Variants in EIF2B1 observed in about 807,000 individuals in gnomAD.
EIF2B1 encodes eukaryotic translation initiation factor 2B subunit alpha.
In EIF2B1, 30 loss-of-function variants were observed where a neutral mutation model predicts 36.8. The ratio of observed to expected loss-of-function variants is 0.81; its 90% CI spans 0.61 to 1.10. The LOEUF (loss-of-function observed/expected upper bound fraction) is 1.10. Among genes scored for constraint, EIF2B1 ranks in the 50% least tolerant of loss-of-function variants. The pLI, the probability that EIF2B1 is intolerant of heterozygous loss-of-function variation, is 0.00. For missense variants in EIF2B1, 271 were observed against 374.8 expected (o/e 0.72, Z 2.29); for synonymous variants, 139 against 142.2 (o/e 0.98, Z 0.16).
At chr12:123,624,384 G>A (rs893197163) in intron 7 of EIF2B1, among the ~76,000 whole-genome samples, 5 of 151,096 alleles carry the variant, frequency 3.3e-5, no homozygotes, top group African/African-American at 1.2e-4. Flanking sequence ...TCAGCTTCCT[G>A]GGCAGCTGGA....
intron 1 of EIF2B1, 123 bp from the exon 2 acceptor site, chr12:123,632,569 T>C: frequency 1.3e-6 from 1 of 745,812 alleles, no homozygotes; most frequent in Non-Finnish European, 2.3e-6. Flanking sequence ...TTTTAGGGTA[T>C]TTGGTTTCAG....
At chr12:123,628,519 C>T (rs146593572) in intron 4 of EIF2B1, among the ~76,000 whole-genome samples, 195 of 151,982 alleles carry the variant, frequency 1.3e-3, no homozygotes, top group African/African-American at 4.2e-3. Flanking sequence ...TGTGCCACCA[C>T]GCCTGGCTAA....
chr12:123,626,543 A>G (rs889965576), intron 5 of EIF2B1, 50 bp from the exon 6 acceptor site: 1 of 1,597,970 alleles, frequency 6.3e-7, no homozygotes, highest in Admixed American at 1.7e-5. Flanking sequence ...ACAGTACCAC[A>G]GTGATGTATG....
chr12:123,621,404 G>C lies in EIF2B1; in HGVS notation c.*352C>G, dbSNP rs150711091. 277 of 349,308 alleles carry C rather than the reference G, an allele frequency of 7.9e-4. 5 individuals are homozygous for C. The East Asian group carries it at 0.018, about 23-fold the overall frequency. 21.6% of individuals were successfully genotyped at this position (349,308 alleles called of 1,614,324 possible). On this transcript the variant is annotated 3_prime_UTR_variant, in exon 9 of 9. Coordinates refer to ENST00000424014, the MANE Select transcript of EIF2B1 (RefSeq NM_001414.4). ...TGGCTGCTTTTCGCCTGCATCTCGCGTGCTTTAGGCAGATCAGTCTGGAGT... is the reference window on the plus strand; with the variant it reads ...TGGCTGCTTTTCGCCTGCATCTCGCCTGCTTTAGGCAGATCAGTCTGGAGT...
In EIF2B1 at chr12:123,624,968, A is replaced by G. The variant is rs1955137357; in HGVS notation, c.552-106T>C. 5 of 1,048,956 alleles carry G rather than the reference A, an allele frequency of 4.8e-6. No homozygotes were observed. In the South Asian group the frequency reaches 6.5e-5, roughly 14 times the overall value. 65.0% of individuals were successfully genotyped at this position (1,048,956 alleles called of 1,614,324 possible). On this transcript the variant is annotated intron_variant, in intron 6 of 8. Transcript: ENST00000424014. ...ATTTCTATCAAGGTAAGTTCCTCCC[A>G]TAACTACCTGTTTTTTTTAAAGCGC...
chr12:123,628,316 T>C (rs796400964), intron 4 of EIF2B1, among the ~76,000 whole-genome samples: 1 of 151,628 alleles, frequency 6.6e-6, no homozygotes, highest in Non-Finnish European at 1.5e-5. Context: ...CGGCTAGGAT[T>C]ATACACATAA....
At chr12:123,631,836 T>C (rs559122426) in intron 2 of EIF2B1, among the ~76,000 whole-genome samples, 13 of 147,664 alleles carry the variant, frequency 8.8e-5, no homozygotes, top group Admixed American at 4.1e-4. Context: ...TTGCCAGGCG[T>C]GGTGGTGCAT....
chr12:123,632,065 T>C (rs1955194402), intron 2 of EIF2B1, among the ~76,000 whole-genome samples: 1 of 150,812 alleles, frequency 6.6e-6, no homozygotes, highest in Admixed American at 6.6e-5. Context: ...AGCTCAGGAG[T>C]TCGAGACCAG....
chr12:123,626,335 G>T, intron 6 of EIF2B1, 90 bp downstream of exon 6: 2 of 1,515,408 alleles, frequency 1.3e-6, no homozygotes, highest in South Asian at 1.1e-5. Flanking sequence ...GTGGCTTTAT[G>T]AACGGGACTC....
Position 123,633,599 on chromosome 12 carries a change from C to T in EIF2B1, c.-42G>A. Reference sequence around the variant, plus strand: ...GGAGCCCCAGGGGACCCGAGCCGCCCGCGCTGTCTCGAACGGGTCCGCCGG... The same window carrying T: ...GGAGCCCCAGGGGACCCGAGCCGCCTGCGCTGTCTCGAACGGGTCCGCCGG... On this transcript the variant is annotated 5_prime_UTR_variant, in exon 1 of 9. Transcript: ENST00000424014. 6.2e-7 allele frequency: 1 copy of T among 1,604,510 alleles called. No homozygotes were observed. Among genetic ancestry groups the T allele is most frequent in the Non-Finnish European group, 8.5e-7 (1 of 1,179,842 alleles).
At chr12:123,625,726 T>C (rs1372543230) in intron 6 of EIF2B1, among the ~76,000 whole-genome samples, 2 of 152,226 alleles carry the variant, frequency 1.3e-5, no homozygotes, top group African/African-American at 4.8e-5. Flanking sequence ...ATCTTCTAGG[T>C]GAGACAAAGC....
chr12:123,632,110 A>C (rs1356070351), intron 2 of EIF2B1, among the ~76,000 whole-genome samples: 1 of 151,772 alleles, frequency 6.6e-6, no homozygotes, highest in Non-Finnish European at 1.5e-5. Flanking sequence ...TCTCTAAAAT[A>C]CAAAAAAATT....
chr12:123,632,280 A>C, intron 2 of EIF2B1, 65 bp downstream of exon 2: 1 of 1,120,902 alleles, frequency 8.9e-7, no homozygotes. Flanking sequence ...TAAAAAAAAA[A>C]AAAAAGAAAA....
At position 123,626,432 on chromosome 12, in the gene EIF2B1, C is replaced by T. The variant is rs770279161; in HGVS notation, c.544G>A (p.Ala182Thr). ...GGGAAGATGGGCACTCACCCGACAGCAGCATCTAGCACCACAGTGACAGGG... is the reference window on the plus strand; with the variant it reads ...GGGAAGATGGGCACTCACCCGACAGTAGCATCTAGCACCACAGTGACAGGG... Reference protein sequence around the residue: ...NVPVTVVLDAAVGYIMEKADL... With the variant: ...NVPVTVVLDATVGYIMEKADL... The change falls in exon 6 of 9, where the codon GCT becomes ACT. Residue 182 changes from alanine (A) to threonine (T), a missense_variant. Physicochemically the swap from Ala to Thr is moderately conservative, Grantham distance 58. Coordinates refer to ENST00000424014, the MANE Select transcript of EIF2B1 (RefSeq NM_001414.4). 1 of 1,614,134 alleles carries T rather than the reference C, an allele frequency of 6.2e-7. No homozygotes were observed. The highest frequency in any genetic ancestry group is 1.1e-5 in the South Asian group (1 of 91,092).
Position 123,633,669 on chromosome 12 carries a change from G to T in EIF2B1, c.-112C>A. 1.3e-6 allele frequency: 2 copies of T among 1,528,786 alleles called. No homozygotes were observed. The highest frequency in any genetic ancestry group is 1.8e-6 in the Non-Finnish European group (2 of 1,116,966). The allele number at this position is 1,528,786 out of a possible 1,614,324, so 94.7% of individuals were successfully genotyped here. On this transcript the variant is annotated 5_prime_UTR_variant, in exon 1 of 9. Transcript: ENST00000424014. ...GTCTGACAGCGCGCTGCACACCTCC[G>T]CACCCCACTTCCGGCGCACTTCCGT...
chr12:123,627,176 T>C lies in EIF2B1; in HGVS notation c.370-20A>G, dbSNP rs7298287. 0.091 allele frequency: 145,758 copies of C among 1,603,222 alleles called. 13,539 individuals are homozygous for C. Among genetic ancestry groups the C allele is most frequent in the African/African-American group, 0.48 (35,785 of 74,720 alleles). ...TATTGTCTGTGGACCGAGAAAGCTT[T>C]GTCAAAGGGGCAGGCTCCTTGCTGC... On this transcript the variant is annotated intron_variant, in intron 4 of 8. Transcript: ENST00000424014.
Position 123,623,592 on chromosome 12 carries a change from C to T in EIF2B1, c.628-831G>A, listed in dbSNP as rs1402699670. Among the ~76,000 whole-genome samples, 3 of 151,994 alleles carry T rather than the reference C, an allele frequency of 2.0e-5. No homozygotes were observed. The East Asian group carries it at 5.8e-4, about 29-fold the overall frequency. ...GGTTCAAGCGATTCTCCTGCGTCAG[C>T]CTGCCAAGTAGCTGGGATTACAGGC... On this transcript the variant is annotated intron_variant, in intron 7 of 8. Transcript: ENST00000424014.
chr12:123,626,631 T>A, intron 5 of EIF2B1, 138 bp from the exon 6 acceptor site: 1 of 973,760 alleles, frequency 1.0e-6, no homozygotes, highest in Non-Finnish European at 1.6e-6. Flanking sequence ...CCCAATACTT[T>A]GGACTAAGGA....
chr12:123,626,764 G>A, intron 5 of EIF2B1: 3 of 650,306 alleles, frequency 4.6e-6, no homozygotes, highest in Admixed American at 2.4e-5. Flanking sequence ...TCTAGAGAGA[G>A]GGAGATATAA....
Sources: allele counts gnomAD v4.1 joint callset (sites outside exome capture counted in the v4.1 genomes callset), GRCh38; gene constraint gnomAD v4.1.1; transcripts MANE v1.5; gene names NCBI Gene and HGNC (gene_info 2026-07-23, HGNC 2026-07-21).